The following SGMS1 variants were observed in gnomAD, a reference collection of about 807,000 sequenced individuals.
SGMS1 encodes the protein phosphatidylcholine:ceramide cholinephosphotransferase 1.
In SGMS1, 13 loss-of-function variants were observed where a neutral mutation model predicts 46.2. The ratio of observed to expected loss-of-function variants is 0.28; its 90% CI spans 0.18 to 0.45. SGMS1 has a LOEUF of 0.45. SGMS1 is among the 20% of genes least tolerant of loss of function. The pLI, the probability that SGMS1 is intolerant of heterozygous loss-of-function variation, is 1.00. For missense variants in SGMS1, 324 were observed against 519.9 expected (o/e 0.62, Z 3.66); for synonymous variants, 203 against 187.8 (o/e 1.08, Z -0.66).
intron 5 of SGMS1, among the ~76,000 whole-genome samples, chr10:50,434,119 G>A (rs1849442595): frequency 1.3e-5 from 2 of 152,326 alleles, no homozygotes; most frequent in Middle Eastern, 6.8e-3. Context: ...AACTACTGGA[G>A]GATTCATATA....
At chr10:50,330,003 T>A (rs973735346) in intron 7 of SGMS1, among the ~76,000 whole-genome samples, 2 of 152,226 alleles carry the variant, frequency 1.3e-5, no homozygotes, top group African/African-American at 2.4e-5. Context: ...ATTTTATAGA[T>A]CATTATTAAG....
chr10:50,410,062 A>G (rs568544899), intron 6 of SGMS1, among the ~76,000 whole-genome samples: 1 of 152,332 alleles, frequency 6.6e-6, no homozygotes, highest in South Asian at 2.1e-4. Flanking sequence ...ACTAACTAGC[A>G]AAGTAGGAAT....
chr10:50,390,048 C>T (rs960115048), intron 6 of SGMS1, among the ~76,000 whole-genome samples: 10 of 152,104 alleles, frequency 6.6e-5, no homozygotes, highest in African/African-American at 2.4e-4. Flanking sequence ...AGCTGGTGTT[C>T]CTTTACTTTT....
At chr10:50,493,030 G>A (rs1302985935) in intron 3 of SGMS1, among the ~76,000 whole-genome samples, 3 of 152,044 alleles carry the variant, frequency 2.0e-5, no homozygotes, top group East Asian at 3.9e-4. Flanking sequence ...AACGAACCTC[G>A]GGTATTACCC....
chr10:50,524,369 C>A (rs1213559216), intron 2 of SGMS1, among the ~76,000 whole-genome samples: 1 of 152,054 alleles, frequency 6.6e-6, no homozygotes, highest in East Asian at 1.9e-4. Flanking sequence ...GCTCCCAGTC[C>A]CCCTTACCAT....
At chr10:50,612,986 C>T (rs921281979) in intron 1 of SGMS1, among the ~76,000 whole-genome samples, 31 of 152,204 alleles carry the variant, frequency 2.0e-4, no homozygotes, top group African/African-American at 5.5e-4. Context: ...CTCTTAAGTA[C>T]TCTTGTAACT....
At chr10:50,436,855 T>G (rs1489360282) in intron 5 of SGMS1, among the ~76,000 whole-genome samples, 2 of 152,314 alleles carry the variant, frequency 1.3e-5, no homozygotes, top group African/African-American at 4.8e-5. Context: ...TCTAGTTTAC[T>G]AAGAAGAATT....
At chr10:50,624,558 G>A (rs570459940), upstream of SGMS1, 36 of 981,550 alleles carry the variant, frequency 3.7e-5, no homozygotes, top group Middle Eastern at 1.1e-3. Flanking sequence ...AACCGCGCGA[G>A]GTGAAAACTC....
chr10:50,374,899 T>C (rs1564893841), intron 6 of SGMS1, among the ~76,000 whole-genome samples: 3 of 152,212 alleles, frequency 2.0e-5, no homozygotes, highest in Admixed American at 6.5e-5. Flanking sequence ...TAATATCAAC[T>C]GAATGTCCCT....
intron 3 of SGMS1, among the ~76,000 whole-genome samples, chr10:50,517,839 A>G (rs550454566): frequency 6.6e-6 from 1 of 152,344 alleles, no homozygotes; most frequent in African/African-American, 2.4e-5. Flanking sequence ...CCTGACGGCA[A>G]AAATGAAAGC....
upstream of SGMS1, chr10:50,624,779 G>A: frequency 1.0e-6 from 1 of 986,332 alleles, no homozygotes; most frequent in Non-Finnish European, 1.2e-6. Context: ...GGGGAGAGCT[G>A]GCCTTCCCGC....
chr10:50,340,938 A>G (rs192833910), intron 7 of SGMS1, among the ~76,000 whole-genome samples: 22 of 152,322 alleles, frequency 1.4e-4, no homozygotes, highest in Admixed American at 3.3e-4. Context: ...AAATCAAAGT[A>G]AAAATATTCT....
chr10:50,593,496 A>T (rs1008920529), intron 1 of SGMS1, among the ~76,000 whole-genome samples: 2 of 151,624 alleles, frequency 1.3e-5, no homozygotes, highest in Admixed American at 6.6e-5. Flanking sequence ...CAGTGTTTAA[A>T]TTTTTTTTTC....
chr10:50,570,604 C>T (rs1463124581), intron 2 of SGMS1, among the ~76,000 whole-genome samples: 2 of 152,138 alleles, frequency 1.3e-5, no homozygotes, highest in African/African-American at 4.8e-5. Context: ...GTCCTAATAA[C>T]ATAGTATTGA....
chr10:50,319,337 C>T (rs374222686), intron 8 of SGMS1, among the ~76,000 whole-genome samples: 6 of 152,020 alleles, frequency 3.9e-5, no homozygotes, highest in African/African-American at 1.2e-4. Context: ...GGGAAGAAGT[C>T]GAATAAATTA....
At chr10:50,492,766 C>G (rs1837577574) in intron 3 of SGMS1, among the ~76,000 whole-genome samples, 1 of 152,132 alleles carries the variant, frequency 6.6e-6, no homozygotes, top group Non-Finnish European at 1.5e-5. Context: ...TATTAAACCA[C>G]CATTGATATT....
At chr10:50,624,544 C>G (rs752458205), upstream of SGMS1, 2 of 974,624 alleles carry the variant, frequency 2.1e-6, no homozygotes, top group East Asian at 1.1e-4. Context: ...GGCGCAAGAG[C>G]TCTAACCGCG....
Position 50,345,875 on chromosome 10 carries a change from T to C in SGMS1, c.-231-1530A>G, listed in dbSNP as rs557616739. On this transcript the variant is annotated intron_variant, in intron 6 of 10. Transcript: ENST00000361781. ...TGTATAAAACAACTGGAAAGAAATA[T>C]ATCACATATTAACTGCAGTTATACT... is the stretch of plus-strand genomic sequence containing the variant. 1.2e-4 allele frequency among the ~76,000 whole-genome samples: 18 copies of C among 152,342 alleles called. No individual in the cohort carries two copies. The South Asian group carries it at 3.7e-3, about 32-fold the overall frequency.
chr10:50,525,495 G>A (rs1837893028), intron 2 of SGMS1, among the ~76,000 whole-genome samples: 1 of 152,200 alleles, frequency 6.6e-6, no homozygotes, highest in African/African-American at 2.4e-5. Flanking sequence ...TAGAGACCAA[G>A]ATGCTTGGTC....
Sources: allele counts gnomAD v4.1 joint callset (sites outside exome capture counted in the v4.1 genomes callset), GRCh38; gene constraint gnomAD v4.1.1; transcripts MANE v1.5; gene names NCBI Gene and HGNC (gene_info 2026-07-23, HGNC 2026-07-21).